Variants in SORCS3 observed in about 807,000 individuals in gnomAD.
SORCS3 encodes the protein VPS10 domain-containing receptor SorCS3.
Under a neutral mutation model 146.3 loss-of-function variants are expected in SORCS3, and 57 were observed. The ratio of observed to expected loss-of-function variants is 0.39; its 90% CI spans 0.31 to 0.49. The LOEUF (loss-of-function observed/expected upper bound fraction) is 0.49. SORCS3 is among the 20% of genes least tolerant of loss of function. The pLI is 0.92. For synonymous variants in SORCS3, 653 were observed against 618.5 expected (o/e 1.06, Z -0.83); for missense variants, 1,341 against 1,575.5 (o/e 0.85, Z 2.52).
At chr10:104,950,604 G>A (rs1203973500) in intron 3 of SORCS3, among the ~76,000 whole-genome samples, 1 of 152,122 alleles carries the variant, frequency 6.6e-6, no homozygotes, top group Non-Finnish European at 1.5e-5. Context: ...TTTATAAGTT[G>A]GTTTTGGAGA....
At position 105,216,941 on chromosome 10, in the gene SORCS3, T is replaced by A. The variant is rs2056668504; in HGVS notation, c.2553T>A (p.Asp851Glu). The A allele has an allele frequency of 6.2e-7, 1 of 1,614,002 alleles. No individual in the cohort carries two copies. Among genetic ancestry groups the A allele is most frequent in the Admixed American group, 1.7e-5 (1 of 59,998 alleles). ...ATFIILMEEGDLQRTNIQLDF... is the reference protein window; with the variant it reads ...ATFIILMEEGELQRTNIQLDF... ...TCTGCTATGCCATCTTGCAGGGTGA[T>A]CTACAAAGGACAAACATCCAGCTTG... Residue 851 changes from aspartate (D) to glutamate (E), a missense_variant, in exon 19 of 27, where the codon GAT becomes GAA. Transcript: ENST00000369701.
At chr10:104,980,923 G>A (rs1375238119) in intron 4 of SORCS3, among the ~76,000 whole-genome samples, 1 of 152,184 alleles carries the variant, frequency 6.6e-6, no homozygotes, top group Non-Finnish European at 1.5e-5. Context: ...ATCACACTCT[G>A]CTAGTGATAT....
chr10:104,836,027 A>G (rs544789369), intron 1 of SORCS3, among the ~76,000 whole-genome samples: 2 of 152,198 alleles, frequency 1.3e-5, no homozygotes, highest in Non-Finnish European at 2.9e-5. Context: ...TCTTGAGTTC[A>G]GCCCTCTGGT....
chr10:105,129,347 T>A (rs1370686780), intron 7 of SORCS3, among the ~76,000 whole-genome samples: 1 of 147,980 alleles, frequency 6.8e-6, no homozygotes, highest in East Asian at 2.0e-4. Flanking sequence ...TTTTTTTTTT[T>A]TTTTTTTTTT....
At chr10:104,676,870 G>T (rs574938844) in intron 1 of SORCS3, among the ~76,000 whole-genome samples, 15 of 152,088 alleles carry the variant, frequency 9.9e-5, no homozygotes, top group African/African-American at 3.4e-4. Context: ...TCCAGTGGTC[G>T]AATGGTAGTG....
chr10:104,671,158 G>A (rs572357319), intron 1 of SORCS3, among the ~76,000 whole-genome samples: 2 of 150,584 alleles, frequency 1.3e-5, no homozygotes, highest in East Asian at 3.9e-4. Context: ...AATTGCTCTG[G>A]TTAGAACTTT....
intron 3 of SORCS3, among the ~76,000 whole-genome samples, chr10:104,973,614 C>T (rs2133645329): frequency 6.7e-6 from 1 of 150,354 alleles, no homozygotes; most frequent in Middle Eastern, 3.4e-3. Flanking sequence ...TGCTAGCGGT[C>T]TATCAATTTT....
chr10:104,991,794 T>C (rs1475052689), intron 4 of SORCS3, among the ~76,000 whole-genome samples: 3 of 152,216 alleles, frequency 2.0e-5, no homozygotes, highest in East Asian at 3.9e-4. Context: ...CCACTGCACC[T>C]GGCCGATTTC....
intron 2 of SORCS3, among the ~76,000 whole-genome samples, chr10:104,885,659 A>G (rs144631288): frequency 6.6e-6 from 1 of 152,198 alleles, no homozygotes; most frequent in Admixed American, 6.5e-5. Flanking sequence ...TCCCATTCTC[A>G]TGCCATCCTA....
At chr10:105,162,050 C>G (rs534709909) in intron 11 of SORCS3, among the ~76,000 whole-genome samples, 1 of 152,204 alleles carries the variant, frequency 6.6e-6, no homozygotes, top group African/African-American at 2.4e-5. Context: ...AGCTTCCTCC[C>G]CAACTGAGCC....
chr10:104,972,195 A>G (rs1198033773), intron 3 of SORCS3, among the ~76,000 whole-genome samples: 1 of 152,180 alleles, frequency 6.6e-6, no homozygotes, highest in African/African-American at 2.4e-5. Context: ...ACAAAAAAAG[A>G]ACATACATTA....
chr10:104,745,119 C>T (rs905038718), intron 1 of SORCS3, among the ~76,000 whole-genome samples: 6 of 152,102 alleles, frequency 3.9e-5, no homozygotes, highest in African/African-American at 9.7e-5. Context: ...GCATGGTGAA[C>T]GTGGCTACAA....
At chr10:104,955,653 C>G (rs1226604216) in intron 3 of SORCS3, among the ~76,000 whole-genome samples, 4 of 152,154 alleles carry the variant, frequency 2.6e-5, no homozygotes, top group Non-Finnish European at 5.9e-5. Context: ...TACTTTGGCC[C>G]ATGAATGCAG....
In SORCS3 at chr10:105,216,943, T is replaced by C; in HGVS notation, c.2555T>C (p.Leu852Pro). The change falls in exon 19 of 27, where the codon CTA becomes CCA. Residue 852 changes from leucine to proline, a missense_variant. By Grantham distance (98) the Leu-to-Pro change is moderately conservative. Transcript: ENST00000369701. Reference sequence around the variant, plus strand: ...TGCTATGCCATCTTGCAGGGTGATCTACAAAGGACAAACATCCAGCTTGAC... The same window carrying C: ...TGCTATGCCATCTTGCAGGGTGATCCACAAAGGACAAACATCCAGCTTGAC... ...TFIILMEEGDLQRTNIQLDFG... is the reference protein window; with the variant it reads ...TFIILMEEGDPQRTNIQLDFG... The C allele has an allele frequency of 6.2e-7, 1 of 1,614,190 alleles. No homozygotes were observed. Among genetic ancestry groups the C allele is most frequent in the Non-Finnish European group, 8.5e-7 (1 of 1,180,020 alleles).
chr10:104,837,084 T>G (rs1392617078), intron 1 of SORCS3, among the ~76,000 whole-genome samples: 1 of 152,146 alleles, frequency 6.6e-6, no homozygotes, highest in Non-Finnish European at 1.5e-5. Context: ...ATCTCATCCC[T>G]TCTTTTACTG....
chr10:104,836,037 T>C (rs1445480169), intron 1 of SORCS3, among the ~76,000 whole-genome samples: 1 of 152,148 alleles, frequency 6.6e-6, no homozygotes, highest in African/African-American at 2.4e-5. Context: ...AGCCCTCTGG[T>C]TTCAGGTGCT....
intron 7 of SORCS3, among the ~76,000 whole-genome samples, chr10:105,110,915 A>G (rs2055855208): frequency 6.6e-6 from 1 of 152,182 alleles, no homozygotes; most frequent in African/African-American, 2.4e-5. Context: ...CCCACCAGCC[A>G]GTCACAGGGC....
intron 4 of SORCS3, among the ~76,000 whole-genome samples, chr10:105,017,725 T>A (rs2055176302): frequency 6.6e-6 from 1 of 152,198 alleles, no homozygotes; most frequent in Non-Finnish European, 1.5e-5. Flanking sequence ...TATGATCCAC[T>A]CCTTATCCCT....
intron 4 of SORCS3, among the ~76,000 whole-genome samples, chr10:104,985,156 A>T (rs2133657757): frequency 6.6e-6 from 1 of 152,290 alleles, no homozygotes; most frequent in Non-Finnish European, 1.5e-5. Flanking sequence ...AATTGGAGTC[A>T]ATCCTCTCCA....
Sources: gnomAD v4.1 joint callset for allele counts (sites outside exome capture counted in the v4.1 genomes callset) on GRCh38, gnomAD v4.1.1 for gene constraint, MANE v1.5 for transcripts, NCBI Gene and HGNC (gene_info 2026-07-23, HGNC 2026-07-21) for gene names.